The following NR3C2 variants were observed in gnomAD, a reference collection of about 807,000 sequenced individuals.
NR3C2 encodes the protein mineralocorticoid receptor.
A neutral mutation model predicts 86.4 loss-of-function variants in NR3C2; 15 were observed. The observed-to-expected ratio is 0.17, with a 90% CI of 0.12 to 0.27. The LOEUF (loss-of-function observed/expected upper bound fraction) is 0.27. NR3C2 is among the 10% of genes least tolerant of loss of function. The probability of loss-of-function intolerance (pLI) is 1.00; values close to 1 mark genes in which losing one functional copy is unlikely to be tolerated. For missense variants in NR3C2, 960 were observed against 1,195.6 expected, an observed-to-expected ratio of 0.80 and a Z score of 2.91; for synonymous variants, 458 against 450.5, an observed-to-expected ratio of 1.02 and a Z score of -0.21.
chr4:148,343,453 G>C (rs570472515), intron 2 of NR3C2, among the ~76,000 whole-genome samples: 4 of 150,844 alleles, frequency 2.7e-5, no homozygotes, highest in Admixed American at 2.0e-4. Flanking sequence ...GGGCAGAGAG[G>C]TTAGAATACT....
At chr4:148,270,418 G>A (rs1740623114) in intron 2 of NR3C2, among the ~76,000 whole-genome samples, 1 of 151,984 alleles carries the variant, frequency 6.6e-6, no homozygotes, top group Admixed American at 6.6e-5. Flanking sequence ...TATTATTTCA[G>A]AAATTTACAT....
chr4:148,381,998 T>A (rs1424637959), intron 2 of NR3C2, among the ~76,000 whole-genome samples: 2 of 152,182 alleles, frequency 1.3e-5, no homozygotes. Context: ...ATAAACCTGG[T>A]CCTGACCATT....
intron 8 of NR3C2, among the ~76,000 whole-genome samples, chr4:148,091,553 G>A (rs1348637069): frequency 6.6e-6 from 1 of 152,240 alleles, no homozygotes; most frequent in African/African-American, 2.4e-5. Flanking sequence ...ATCTGGGTCA[G>A]CATGGATACT....
intron 2 of NR3C2, among the ~76,000 whole-genome samples, chr4:148,354,057 T>C (rs1411188788): frequency 6.6e-6 from 1 of 152,098 alleles, no homozygotes; most frequent in Admixed American, 6.6e-5. Context: ...CCTTTAACAA[T>C]GGGTTGGAAC....
intron 3 of NR3C2, among the ~76,000 whole-genome samples, chr4:148,212,138 C>T (rs1737313274): frequency 6.6e-6 from 1 of 152,176 alleles, no homozygotes; most frequent in Non-Finnish European, 1.5e-5. Flanking sequence ...CAAGTTGGGC[C>T]CCGCAGCACT....
intron 4 of NR3C2, among the ~76,000 whole-genome samples, chr4:148,172,876 C>T (rs1371421262): frequency 1.3e-5 from 2 of 152,186 alleles, no homozygotes; most frequent in African/African-American, 4.8e-5. Context: ...CTAAGGAAGT[C>T]ATTAAAAGCT....
rs148761176 is a variant in NR3C2 at position 148,216,212 on chromosome 4, T to G, written c.1898-21350A>C. ...ATGTATTTTAACATATCACAAAATATTTTTGACTCCCCACCACCCCCCCAA... is the reference window on the plus strand; with the variant it reads ...ATGTATTTTAACATATCACAAAATAGTTTTGACTCCCCACCACCCCCCCAA... On this transcript the variant is annotated intron_variant, in intron 3 of 8. Coordinates refer to ENST00000358102, the MANE Select transcript of NR3C2 (RefSeq NM_000901.5). Among the ~76,000 whole-genome samples, 1,352 of 152,232 alleles carry G rather than the reference T, an allele frequency of 8.9e-3. 11 individuals are homozygous for G. Among genetic ancestry groups the G allele is most frequent in the Middle Eastern group, 0.02 (6 of 294 alleles).
At chr4:148,204,225 G>A (rs150188755) in intron 3 of NR3C2, among the ~76,000 whole-genome samples, 1 of 152,274 alleles carries the variant, frequency 6.6e-6, no homozygotes, top group African/African-American at 2.4e-5. Context: ...TTATTATGGT[G>A]CGCAGTAAGA....
chr4:148,294,192 C>T (rs904074646), intron 2 of NR3C2, among the ~76,000 whole-genome samples: 2 of 152,156 alleles, frequency 1.3e-5, no homozygotes, highest in Admixed American at 6.5e-5. Flanking sequence ...TATGTACTAC[C>T]TCACAGCCAC....
At position 148,086,664 on chromosome 4, in the gene NR3C2, C is replaced by T. The variant is rs370438981; in HGVS notation, c.2800-5165G>A. On this transcript the variant is annotated intron_variant, in intron 8 of 8. Coordinates refer to ENST00000358102, the MANE Select transcript of NR3C2 (RefSeq NM_000901.5). The stretch of plus-strand genomic sequence containing the variant: ...GGCAGAGGCAGGAGAATTGATAGAA[C>T]CTGAGAAGTGGAGGTTGCAGTGAGC... 4.5e-4 allele frequency among the ~76,000 whole-genome samples: 68 copies of T among 152,290 alleles called. 1 individual carries two copies. Among genetic ancestry groups the T allele is most frequent in the South Asian group, 1.9e-3 (9 of 4,822 alleles).
At chr4:148,101,131 C>T (rs568240705) in intron 8 of NR3C2, among the ~76,000 whole-genome samples, 11 of 152,202 alleles carry the variant, frequency 7.2e-5, no homozygotes, top group East Asian at 1.9e-4. Flanking sequence ...CACTGAAAAA[C>T]GGTTAACATG....
chr4:148,244,660 C>T (rs904343312), intron 3 of NR3C2, among the ~76,000 whole-genome samples: 3 of 152,190 alleles, frequency 2.0e-5, no homozygotes, highest in South Asian at 2.1e-4. Flanking sequence ...AATCTGGTTA[C>T]TAAAGACCTG....
intron 8 of NR3C2, among the ~76,000 whole-genome samples, chr4:148,110,916 A>G (rs1203377294): frequency 6.6e-6 from 1 of 152,220 alleles, no homozygotes; most frequent in Admixed American, 6.5e-5. Context: ...GAAAAGCTCC[A>G]TGACACTGGC....
chr4:148,120,792 C>A (rs1172650932), intron 6 of NR3C2, among the ~76,000 whole-genome samples: 1 of 152,148 alleles, frequency 6.6e-6, no homozygotes, highest in Non-Finnish European at 1.5e-5. Context: ...TAACTATTTA[C>A]AGCAACATGT....
intron 2 of NR3C2, among the ~76,000 whole-genome samples, chr4:148,431,252 G>A (rs2126640198): frequency 6.6e-6 from 1 of 152,110 alleles, no homozygotes; most frequent in South Asian, 2.1e-4. Context: ...CTTTAAAATG[G>A]TAAATGGAAA....
intron 2 of NR3C2, among the ~76,000 whole-genome samples, chr4:148,286,384 G>A (rs1741519430): frequency 6.6e-6 from 1 of 152,126 alleles, no homozygotes; most frequent in African/African-American, 2.4e-5. Flanking sequence ...AAAAAAATCT[G>A]ATTAAATGGA....
chr4:148,209,134 C>T (rs1434529158), intron 3 of NR3C2, among the ~76,000 whole-genome samples: 1 of 151,850 alleles, frequency 6.6e-6, no homozygotes, highest in African/African-American at 2.4e-5. Context: ...ATCCCAGCTA[C>T]TCTGGAGGCT....
At chr4:148,265,042 CA>C (rs1441273220) in intron 2 of NR3C2, among the ~76,000 whole-genome samples, 3 of 151,966 alleles carry the variant, frequency 2.0e-5, no homozygotes, top group African/African-American at 2.4e-5. Context: ...GGTTAATAAT[CA>C]AAGAAACATT....
At chr4:148,191,541 CG>C (rs1736195198) in intron 4 of NR3C2, among the ~76,000 whole-genome samples, 1 of 152,132 alleles carries the variant, frequency 6.6e-6, no homozygotes, top group African/African-American at 2.4e-5. Flanking sequence ...CCTGCAAGAC[CG>C]GGGAAGTTTT....
Sources: gnomAD v4.1 joint callset for allele counts (sites outside exome capture counted in the v4.1 genomes callset) on GRCh38, gnomAD v4.1.1 for gene constraint, MANE v1.5 for transcripts, NCBI Gene and HGNC (gene_info 2026-07-23, HGNC 2026-07-21) for gene names.